Variants in JAZF1 observed in about 807,000 individuals in gnomAD.
The protein encoded by JAZF1 is juxtaposed with another zinc finger protein 1.
JAZF1 carries 8 observed loss-of-function variants against 26.4 expected under a neutral mutation model. The ratio of observed to expected loss-of-function variants is 0.30; its 90% CI spans 0.18 to 0.55. The LOEUF is 0.55. JAZF1 is among the 20% of genes least tolerant of loss of function. JAZF1 has a pLI of 0.94. For synonymous variants in JAZF1, 126 were observed against 122.3 expected (o/e 1.03, Z -0.20); for missense variants, 199 against 322.0 (o/e 0.62, Z 2.92).
In JAZF1 at chr7:28,077,172, C is replaced by G. The variant is rs150883549; in HGVS notation, c.116-85191G>C. 2.1e-3 allele frequency among the ~76,000 whole-genome samples: 327 copies of G among 152,222 alleles called. 2 individuals carry two copies. Among genetic ancestry groups the G allele is most frequent in the East Asian group, 0.021 (109 of 5,182 alleles). Reference sequence around the variant, plus strand: ...TTTACAATGGGAATGCTGACTAAATCGGAACTATACAAACTGGGAGGATTT... The same window carrying G: ...TTTACAATGGGAATGCTGACTAAATGGGAACTATACAAACTGGGAGGATTT... On this transcript the variant is annotated intron_variant, in intron 1 of 4. Transcript: ENST00000283928.
chr7:27,986,529 C>T (rs1231772280), intron 2 of JAZF1, among the ~76,000 whole-genome samples: 2 of 152,108 alleles, frequency 1.3e-5, no homozygotes, highest in Non-Finnish European at 2.9e-5. Context: ...GTGAAAATGG[C>T]CATACTGCCC....
Position 28,129,444 on chromosome 7 carries a change from A to G in JAZF1, c.115+51019T>C, listed in dbSNP as rs79744340. Among the ~76,000 whole-genome samples the G allele has an allele frequency of 2.6e-3, 399 of 152,250 alleles. 2 individuals carry two copies. The highest frequency in any genetic ancestry group is 4.6e-3 in the Non-Finnish European group (316 of 68,022). On this transcript the variant is annotated intron_variant, in intron 1 of 4. Transcript: ENST00000283928. ...GAACATTGTTGATTCATTTGGTGTG[A>G]ACTGGGGCCCAAGAATCTGCCCAGG...
At chr7:27,929,076 T>C (rs1369082066) in intron 2 of JAZF1, among the ~76,000 whole-genome samples, 1 of 152,200 alleles carries the variant, frequency 6.6e-6, no homozygotes, top group Non-Finnish European at 1.5e-5. Context: ...GGCAACTCAG[T>C]TTTCTTGCAA....
intron 1 of JAZF1, among the ~76,000 whole-genome samples, chr7:28,001,350 TCAAAAAAAA>T (rs1554281094): frequency 6.7e-6 from 1 of 148,636 alleles, no homozygotes; most frequent in South Asian, 2.2e-4. Flanking sequence ...AGACCCTGTC[TCAAAAAAAA>T]CAAAACAAAA....
At chr7:27,946,404 T>G (rs1161358162) in intron 2 of JAZF1, among the ~76,000 whole-genome samples, 3 of 152,198 alleles carry the variant, frequency 2.0e-5, no homozygotes, top group African/African-American at 7.2e-5. Flanking sequence ...AATCTTGTAG[T>G]GTCTCATATT....
intron 2 of JAZF1, among the ~76,000 whole-genome samples, chr7:27,940,444 C>T (rs747339722): frequency 1.3e-5 from 2 of 152,146 alleles, no homozygotes; most frequent in Non-Finnish European, 2.9e-5. Flanking sequence ...CCTGCATTTC[C>T]AATACACAGC....
chr7:27,922,510 A>G (rs1485157383), intron 2 of JAZF1, among the ~76,000 whole-genome samples: 1 of 152,158 alleles, frequency 6.6e-6, no homozygotes, highest in Non-Finnish European at 1.5e-5. Context: ...CGGCCTCCCA[A>G]AGTGCTAGGA....
intron 3 of JAZF1, among the ~76,000 whole-genome samples, chr7:27,880,306 C>T (rs1250444212): frequency 3.3e-5 from 5 of 152,124 alleles, no homozygotes. Context: ...ATTACTTATT[C>T]ATTTTAGAAA....
At chr7:27,989,270 C>A (rs906692476) in intron 2 of JAZF1, among the ~76,000 whole-genome samples, 1 of 152,140 alleles carries the variant, frequency 6.6e-6, no homozygotes, top group Non-Finnish European at 1.5e-5. Flanking sequence ...CTTCCTTATA[C>A]CTTATACAAA....
At chr7:28,081,010 A>G (rs997070553) in intron 1 of JAZF1, among the ~76,000 whole-genome samples, 4 of 152,138 alleles carry the variant, frequency 2.6e-5, no homozygotes, top group South Asian at 2.1e-4. Context: ...AAGGGAGGGC[A>G]TCAAAGTTCC....
In JAZF1 at chr7:28,097,130, T is replaced by C. The variant is rs1372410994; in HGVS notation, c.115+83333A>G. ...TTTAAATCACCCCCCACCCCCACTT[T>C]CCCACCCAACCTCTGCCACACTAAC... On this transcript the variant is annotated intron_variant, in intron 1 of 4. Transcript: ENST00000283928. Among the ~76,000 whole-genome samples the C allele has an allele frequency of 4.6e-5, 7 of 152,142 alleles. No homozygotes were observed. The East Asian group carries it at 9.6e-4, about 21-fold the overall frequency.
At chr7:27,999,611 G>C (rs760514567) in intron 1 of JAZF1, among the ~76,000 whole-genome samples, 1 of 152,112 alleles carries the variant, frequency 6.6e-6, no homozygotes, top group Non-Finnish European at 1.5e-5. Flanking sequence ...AGCATGCATT[G>C]TACCATATAT....
rs186030333 is a variant in JAZF1 at position 28,047,353 on chromosome 7, C to T, written c.116-55372G>A. Among the ~76,000 whole-genome samples the T allele has an allele frequency of 2.8e-3, 429 of 152,100 alleles. 5 individuals are homozygous for T. Among genetic ancestry groups the T allele is most frequent in the Non-Finnish European group, 4.0e-3 (273 of 67,932 alleles). On this transcript the variant is annotated intron_variant, in intron 1 of 4. Coordinates refer to ENST00000283928, the MANE Select transcript of JAZF1 (RefSeq NM_175061.4). ...CTCCTGTATGAACTTTAGAAACAAACTTTAAAGTTGTAAAAAGAAATTCTA... is the reference window on the plus strand; with the variant it reads ...CTCCTGTATGAACTTTAGAAACAAATTTTAAAGTTGTAAAAAGAAATTCTA...
intron 1 of JAZF1, among the ~76,000 whole-genome samples, chr7:28,066,119 C>T (rs1783877471): frequency 6.6e-6 from 1 of 152,166 alleles, no homozygotes; most frequent in Non-Finnish European, 1.5e-5. Flanking sequence ...CAGATTTAGT[C>T]TTTGCTAAGC....
At chr7:28,094,133 T>C (rs1287309888) in intron 1 of JAZF1, among the ~76,000 whole-genome samples, 1 of 152,232 alleles carries the variant, frequency 6.6e-6, no homozygotes, top group African/African-American at 2.4e-5. Flanking sequence ...CATGGTAATA[T>C]GCATAAATCA....
intron 1 of JAZF1, among the ~76,000 whole-genome samples, chr7:28,148,250 T>C (rs1420689650): frequency 6.6e-6 from 1 of 152,160 alleles, no homozygotes; most frequent in African/African-American, 2.4e-5. Flanking sequence ...TTTGTATTTT[T>C]AGTAGAGACG....
chr7:28,130,293 A>G, intron 1 of JAZF1, among the ~76,000 whole-genome samples: 1 of 151,938 alleles, frequency 6.6e-6, no homozygotes, highest in East Asian at 1.9e-4. Context: ...ACTCTACTGG[A>G]AAAAAAACAA....
intron 3 of JAZF1, among the ~76,000 whole-genome samples, chr7:27,889,317 T>G (rs1490283065): frequency 6.6e-6 from 1 of 152,104 alleles, no homozygotes. Flanking sequence ...GGGGGAGAAA[T>G]TACTTTCTTA....
intron 1 of JAZF1, among the ~76,000 whole-genome samples, chr7:28,121,610 A>T (rs141421374): frequency 6.6e-6 from 1 of 152,342 alleles, no homozygotes; most frequent in Admixed American, 6.5e-5. Flanking sequence ...GGTGCTCAAT[A>T]CTGTTTCCTG....
Sources: gnomAD v4.1 joint callset for allele counts (sites outside exome capture counted in the v4.1 genomes callset) on GRCh38, gnomAD v4.1.1 for gene constraint, MANE v1.5 for transcripts, NCBI Gene and HGNC (gene_info 2026-07-23, HGNC 2026-07-21) for gene names.